CAMTA1: variants seen among roughly 807,000 people sequenced by gnomAD.
The protein encoded by CAMTA1 is calmodulin binding transcription activator 1.
A neutral mutation model predicts 170.9 loss-of-function variants in CAMTA1; 27 were observed. That is an observed-to-expected ratio of 0.16 (90% CI 0.12 to 0.22). CAMTA1 has a LOEUF of 0.22. Ranked by LOEUF, CAMTA1 falls within the 10% of genes least tolerant of loss-of-function variation. The pLI, the probability that CAMTA1 is intolerant of heterozygous loss-of-function variation, is 1.00. For synonymous variants in CAMTA1, 833 were observed against 891.5 expected (o/e 0.93, Z 1.17); for missense variants, 1,619 against 2,217.2 (o/e 0.73, Z 5.42).
chr1:7,556,810 T>G (rs1199360536), intron 6 of CAMTA1, among the ~76,000 whole-genome samples: 4 of 152,030 alleles, frequency 2.6e-5, no homozygotes, highest in African/African-American at 9.7e-5. Flanking sequence ...GTGGTGGGAA[T>G]TTTGGATCCA....
chr1:7,628,918 A>C (rs1034275979), intron 6 of CAMTA1, among the ~76,000 whole-genome samples: 1 of 152,202 alleles, frequency 6.6e-6, no homozygotes, highest in Non-Finnish European at 1.5e-5. Flanking sequence ...TGGTGACTGC[A>C]GCCCTCTGAG....
In CAMTA1 at chr1:7,680,307, G is replaced by A; in HGVS notation, c.2914+2574G>A. Reference sequence around the variant, plus strand: ...AGCCCCTCCCGTCCCCGCGGGCGCTGGGCCGATTCTCCCTCCGCGCTGGCC... The same window carrying A: ...AGCCCCTCCCGTCCCCGCGGGCGCTAGGCCGATTCTCCCTCCGCGCTGGCC... On this transcript the variant is annotated intron_variant, in intron 11 of 22. Transcript: ENST00000303635. The surrounding 1 kb of genome is among the most constrained non-coding windows in gnomAD (Gnocchi z 4.4). 1 of 192,996 alleles carries A rather than the reference G, an allele frequency of 5.2e-6. No homozygotes were observed. The highest frequency in any genetic ancestry group is 5.5e-5 in the South Asian group (1 of 18,108). The allele number at this position is 192,996 out of a possible 1,614,324, so 12.0% of individuals were successfully genotyped here. A position where few individuals can be genotyped will look rare whatever the true frequency, so the allele number is the denominator to read the frequency against.
At chr1:7,129,038 A>G (rs373907193) in intron 4 of CAMTA1, among the ~76,000 whole-genome samples, 91 of 151,780 alleles carry the variant, frequency 6.0e-4, no homozygotes, top group African/African-American at 1.8e-3. Context: ...CCACCTCACT[A>G]TGTTGGACAG....
intron 3 of CAMTA1, among the ~76,000 whole-genome samples, chr1:6,840,374 AT>A (rs1655188537): frequency 6.6e-6 from 1 of 152,164 alleles, no homozygotes; most frequent in Non-Finnish European, 1.5e-5. Context: ...ATAACTGGTG[AT>A]CTTGGTAAGA....
chr1:7,596,955 G>A (rs1288914105), intron 6 of CAMTA1, among the ~76,000 whole-genome samples: 1 of 151,162 alleles, frequency 6.6e-6, no homozygotes, highest in Non-Finnish European at 1.5e-5. Flanking sequence ...GGAGCCCCCT[G>A]GCAGCCCAGG....
chr1:6,944,690 C>A (rs1359403884), intron 3 of CAMTA1, among the ~76,000 whole-genome samples: 1 of 152,248 alleles, frequency 6.6e-6, no homozygotes, highest in Non-Finnish European at 1.5e-5. Flanking sequence ...AGAGCCCCTA[C>A]CTGTTTCTCT....
intron 16 of CAMTA1, among the ~76,000 whole-genome samples, chr1:7,741,568 A>C (rs1223884468): frequency 1.3e-5 from 2 of 151,994 alleles, no homozygotes; most frequent in African/African-American, 2.4e-5. Flanking sequence ...TCTCAAAAAA[A>C]AAAAAATGTT....
rs534411873 is a variant in CAMTA1 at position 7,234,582 on chromosome 1, G to A, written c.303-14909G>A. On this transcript the variant is annotated intron_variant, in intron 4 of 22. Coordinates refer to ENST00000303635, the MANE Select transcript of CAMTA1 (RefSeq NM_015215.4). The surrounding 1 kb of genome is among the most constrained non-coding windows in gnomAD (Gnocchi z 5.0). ...ATATTAACTGAACAAATCAGTGAAC[G>A]TCAGCGTAGAGTTTCAAGCCGAGGC... Among the ~76,000 whole-genome samples the A allele has an allele frequency of 6.6e-6, 1 of 152,294 alleles. No homozygotes were observed. The highest frequency in any genetic ancestry group is 1.9e-4 in the East Asian group (1 of 5,184).
At chr1:6,939,855 C>T (rs1411407476) in intron 3 of CAMTA1, among the ~76,000 whole-genome samples, 1 of 152,258 alleles carries the variant, frequency 6.6e-6, no homozygotes, top group Admixed American at 6.5e-5. Flanking sequence ...TCCATGAGAG[C>T]AGGCACCTTC....
At chr1:7,150,020 C>T (rs756605062) in intron 4 of CAMTA1, among the ~76,000 whole-genome samples, 43 of 152,188 alleles carry the variant, frequency 2.8e-4, no homozygotes, top group Non-Finnish European at 5.6e-4. Flanking sequence ...GAAAACTGAG[C>T]CTCGGAGACG....
At chr1:7,109,833 G>C (rs1359471407) in intron 4 of CAMTA1, among the ~76,000 whole-genome samples, 5 of 152,200 alleles carry the variant, frequency 3.3e-5, no homozygotes, top group Non-Finnish European at 7.3e-5. Context: ...AAAGTACCCA[G>C]TGTCTAGATG....
At chr1:7,647,215 G>A (rs2095813469) in intron 7 of CAMTA1, among the ~76,000 whole-genome samples, 1 of 148,696 alleles carries the variant, frequency 6.7e-6, no homozygotes, top group Non-Finnish European at 1.5e-5. Context: ...CAAGCCTGGG[G>A]TTGTATGTTC....
At chr1:7,346,293 G>A (rs1050192744) in intron 5 of CAMTA1, among the ~76,000 whole-genome samples, 1 of 152,148 alleles carries the variant, frequency 6.6e-6, no homozygotes, top group Non-Finnish European at 1.5e-5. Context: ...CTGATCCTCA[G>A]GTTACTTCTC....
chr1:7,580,407 GAGGA>G lies in CAMTA1; in HGVS notation c.511-59986_511-59983del, dbSNP rs926963186. On this transcript the variant is annotated intron_variant, in intron 6 of 22. Coordinates refer to ENST00000303635, the MANE Select transcript of CAMTA1 (RefSeq NM_015215.4). The surrounding 1 kb of genome is among the most constrained non-coding windows in gnomAD (Gnocchi z 4.3). ...GCTCAGATGAAGCAGGTCTGGGGGA[GAGGA>G]AGGAAGACAGGTGAGGGGGCTGATG... Among the ~76,000 whole-genome samples the G allele has an allele frequency of 5.9e-5, 9 of 152,138 alleles. No homozygotes were observed. The highest frequency in any genetic ancestry group is 7.4e-5 in the Non-Finnish European group (5 of 68,010).
intron 4 of CAMTA1, among the ~76,000 whole-genome samples, chr1:7,119,255 G>A (rs2148444244): frequency 6.6e-6 from 1 of 152,304 alleles, no homozygotes. Flanking sequence ...CTGCGGCACT[G>A]CTGAAACCCC....
chr1:7,262,289 C>T (rs1345628759), intron 5 of CAMTA1, among the ~76,000 whole-genome samples: 6 of 151,974 alleles, frequency 3.9e-5, no homozygotes, highest in Admixed American at 6.6e-5. Context: ...GGGCCGGGCG[C>T]GGTGGCTCAC....
At chr1:7,344,901 C>A (rs2084113875) in intron 5 of CAMTA1, among the ~76,000 whole-genome samples, 1 of 124,590 alleles carries the variant, frequency 8.0e-6, no homozygotes, top group South Asian at 3.1e-4. Context: ...CGCCTGCCAC[C>A]ATGCCCGCCT....
At chr1:7,578,843 T>G (rs60513540) in intron 6 of CAMTA1, among the ~76,000 whole-genome samples, 2 of 152,146 alleles carry the variant, frequency 1.3e-5, no homozygotes, top group African/African-American at 4.8e-5. Context: ...GCACAGCCCT[T>G]GTGACCCAGT....
intron 6 of CAMTA1, among the ~76,000 whole-genome samples, chr1:7,605,197 ACT>A (rs911165780): frequency 1.3e-5 from 2 of 152,016 alleles, no homozygotes; most frequent in Non-Finnish European, 2.9e-5. Context: ...GGGAACCACT[ACT>A]CTCTTCAAAG....
Sources: gnomAD v4.1 joint callset for allele counts (sites outside exome capture counted in the v4.1 genomes callset) on GRCh38, gnomAD v4.1.1 for gene constraint, Gnocchi (gnomAD v3.1) non-coding constraint, MANE v1.5 for transcripts, NCBI Gene and HGNC (gene_info 2026-07-23, HGNC 2026-07-21) for gene names.